Variants in KIAA1217 observed in about 807,000 individuals in gnomAD.
The protein encoded by KIAA1217 is sickle tail protein homolog.
KIAA1217 carries 88 observed loss-of-function variants against 163.9 expected under a neutral mutation model. The observed-to-expected ratio is 0.54, with a 90% CI of 0.45 to 0.64. KIAA1217 has a LOEUF of 0.64. Among genes scored for constraint, KIAA1217 ranks in the 30% least tolerant of loss-of-function variants. The pLI is 0.00. For missense variants in KIAA1217, 2,372 were observed against 2,475.0 expected (o/e 0.96, Z 0.88); for synonymous variants, 903 against 923.1 (o/e 0.98, Z 0.39).
intron 2 of KIAA1217, among the ~76,000 whole-genome samples, chr10:24,078,155 T>C (rs748244426): frequency 5.9e-5 from 9 of 152,218 alleles, no homozygotes; most frequent in Non-Finnish European, 1.2e-4. Context: ...AAAACTACCA[T>C]TTAAAACTAG....
chr10:24,531,721 G>C, intron 14 of KIAA1217, 109 bp from the exon 15 acceptor site: 1 of 1,123,456 alleles, frequency 8.9e-7, no homozygotes, highest in Non-Finnish European at 1.2e-6. Flanking sequence ...TCTATGGAGA[G>C]AACAGAAAAT....
intron 2 of KIAA1217, among the ~76,000 whole-genome samples, chr10:24,263,095 C>T (rs2075879793): frequency 6.6e-6 from 1 of 152,176 alleles, no homozygotes; most frequent in Non-Finnish European, 1.5e-5. Context: ...TGAGGTTGTT[C>T]ATTCCAGTTT....
At chr10:23,850,958 C>A (rs1323818263) in intron 1 of KIAA1217, among the ~76,000 whole-genome samples, 3 of 152,094 alleles carry the variant, frequency 2.0e-5, no homozygotes, top group African/African-American at 7.2e-5. Context: ...GAAATCCACC[C>A]CCATGATCCA....
intron 1 of KIAA1217, among the ~76,000 whole-genome samples, chr10:23,702,930 G>A (rs1836570106): frequency 6.6e-6 from 1 of 152,062 alleles, no homozygotes; most frequent in South Asian, 2.1e-4. Context: ...GTTTCACCGT[G>A]TTAGCCAAGA....
intron 2 of KIAA1217, among the ~76,000 whole-genome samples, chr10:24,164,255 T>A (rs2065243339): frequency 6.6e-6 from 1 of 152,184 alleles, no homozygotes; most frequent in African/African-American, 2.4e-5. Context: ...CCCAGGACAT[T>A]TGTACTTGCC....
intron 2 of KIAA1217, among the ~76,000 whole-genome samples, chr10:24,251,164 T>G (rs1053339140): frequency 6.6e-6 from 1 of 150,816 alleles, no homozygotes; most frequent in African/African-American, 2.4e-5. Context: ...AGGCGGAGGT[T>G]GCAGTGAGCC....
chr10:24,491,575 C>T (rs2066154619), intron 6 of KIAA1217, among the ~76,000 whole-genome samples: 1 of 152,128 alleles, frequency 6.6e-6, no homozygotes, highest in Admixed American at 6.5e-5. Flanking sequence ...CAGATGTGAG[C>T]CACTGCGCCC....
At chr10:24,040,661 G>A (rs991445859) in intron 2 of KIAA1217, among the ~76,000 whole-genome samples, 2 of 152,138 alleles carry the variant, frequency 1.3e-5, no homozygotes, top group African/African-American at 2.4e-5. Flanking sequence ...AATATTAAGG[G>A]TTTACTCCCA....
rs116668925 is a variant in KIAA1217 at position 23,839,545 on chromosome 10, G to T, written c.-321+144311G>T. Reference sequence around the variant, plus strand: ...GCAGCAGCCTGGGTTATTTTATACAGATCCTTTTCTATTTCCTGAGGCTGG... The same window carrying T: ...GCAGCAGCCTGGGTTATTTTATACATATCCTTTTCTATTTCCTGAGGCTGG... On this transcript the variant is annotated intron_variant, in intron 1 of 18. Transcript: ENST00000376462. Among the ~76,000 whole-genome samples the T allele has an allele frequency of 2.0e-3, 297 of 152,258 alleles. 1 individual carries two copies. The highest frequency in any genetic ancestry group is 6.7e-3 in the African/African-American group (279 of 41,554).
intron 2 of KIAA1217, among the ~76,000 whole-genome samples, chr10:24,259,132 C>T (rs942250544): frequency 1.3e-5 from 2 of 151,800 alleles, no homozygotes; most frequent in African/African-American, 4.8e-5. Flanking sequence ...GCAGGGGGCT[C>T]TGGTATGTTA....
chr10:24,509,600 T>A (rs2068828213), intron 9 of KIAA1217, among the ~76,000 whole-genome samples: 2 of 152,208 alleles, frequency 1.3e-5, no homozygotes, highest in African/African-American at 4.8e-5. Flanking sequence ...TTGAACAACA[T>A]GGGGGTTGGG....
chr10:24,092,068 G>A (rs138936902), intron 2 of KIAA1217, among the ~76,000 whole-genome samples: 1,957 of 151,494 alleles, frequency 0.013, 26 homozygotes, highest in Non-Finnish European at 0.019. Context: ...CCTCCCCAAC[G>A]TCCTTCTCTT....
intron 5 of KIAA1217, among the ~76,000 whole-genome samples, chr10:24,464,287 C>A (rs1430470684): frequency 1.3e-5 from 2 of 152,144 alleles, no homozygotes; most frequent in Non-Finnish European, 2.9e-5. Flanking sequence ...ATGACGAATC[C>A]ATGCATGCAT....
intron 2 of KIAA1217, among the ~76,000 whole-genome samples, chr10:24,071,122 C>A (rs74982983): frequency 0.041 from 6,187 of 152,172 alleles, 197 homozygotes; most frequent in Non-Finnish European, 0.063. Context: ...TTGATAATTC[C>A]CAATTACTGA....
intron 1 of KIAA1217, among the ~76,000 whole-genome samples, chr10:23,758,838 T>C (rs1264697788): frequency 6.6e-6 from 1 of 151,580 alleles, no homozygotes; most frequent in African/African-American, 2.4e-5. Context: ...ACGTGTGTGC[T>C]ACCACACCTG....
intron 2 of KIAA1217, among the ~76,000 whole-genome samples, chr10:24,292,023 C>G (rs2079133954): frequency 6.6e-6 from 1 of 152,078 alleles, no homozygotes; most frequent in Admixed American, 6.5e-5. Flanking sequence ...ATTAAAAATT[C>G]AATAATACTT....
In KIAA1217 at chr10:24,044,407, C is replaced by G. The variant is rs1848840199; in HGVS notation, c.-171+37033C>G. 2.0e-5 allele frequency among the ~76,000 whole-genome samples: 3 copies of G among 152,208 alleles called. No individual in the cohort carries two copies. The South Asian group carries it at 6.2e-4, about 32-fold the overall frequency. On this transcript the variant is annotated intron_variant, in intron 2 of 18. Transcript: ENST00000376462. ...TTTAGAATGTTTATTTCATTTGGTC[C>G]ACAAGGTTTAGCTTAATCTTGACGT...
intron 2 of KIAA1217, among the ~76,000 whole-genome samples, chr10:24,296,286 G>A (rs993119267): frequency 4.6e-5 from 7 of 152,060 alleles, no homozygotes; most frequent in Non-Finnish European, 5.9e-5. Flanking sequence ...AAGTTTTTTT[G>A]TAGAGAGGTG....
chr10:23,904,760 T>C (rs1308467594), intron 1 of KIAA1217, among the ~76,000 whole-genome samples: 7 of 152,058 alleles, frequency 4.6e-5, no homozygotes, highest in Non-Finnish European at 1.5e-5. Context: ...AAATAAAATA[T>C]TGGTGAGCAG....
Sources: allele counts gnomAD v4.1 joint callset (sites outside exome capture counted in the v4.1 genomes callset), GRCh38; gene constraint gnomAD v4.1.1; transcripts MANE v1.5; gene names NCBI Gene and HGNC (gene_info 2026-07-23, HGNC 2026-07-21).